Variants in SLC28A1 observed in about 807,000 individuals in gnomAD.
SLC28A1 encodes the protein solute carrier family 28 member 1.
SLC28A1 carries 64 observed loss-of-function variants against 74.8 expected under a neutral mutation model. That is an observed-to-expected ratio of 0.86 (90% CI 0.70 to 1.05). The LOEUF is 1.05. SLC28A1 is among the 50% of genes least tolerant of loss of function. The pLI, the probability that SLC28A1 is intolerant of heterozygous loss-of-function variation, is 0.00. For synonymous variants in SLC28A1, 359 were observed against 335.0 expected, an observed-to-expected ratio of 1.07 and a Z score of -0.78; for missense variants, 828 against 822.8, an observed-to-expected ratio of 1.01 and a Z score of -0.08.
chr15:84,950,229 G>A (rs1040314008), downstream of SLC28A1, among the ~76,000 whole-genome samples: 24 of 152,138 alleles, frequency 1.6e-4, no homozygotes, highest in African/African-American at 4.8e-4. Flanking sequence ...AGAAATCAAC[G>A]TGGCTATGAG....
intron 9 of SLC28A1, among the ~76,000 whole-genome samples, chr15:84,917,825 A>G (rs372372424): frequency 1.0e-3 from 154 of 152,296 alleles, no homozygotes; most frequent in Middle Eastern, 3.4e-3. Flanking sequence ...ACAGTAAAGA[A>G]AGACTAGGGT....
chr15:84,951,299 T>C, the SLC28A1 span, among the ~76,000 whole-genome samples: 1 of 152,062 alleles, frequency 6.6e-6, no homozygotes, highest in East Asian at 1.9e-4. Flanking sequence ...TAGCTGGGAA[T>C]GGTGGTGGGC....
intron 6 of SLC28A1, among the ~76,000 whole-genome samples, chr15:84,901,531 C>CA (rs762189242): frequency 7.3e-4 from 93 of 128,120 alleles, no homozygotes; most frequent in African/African-American, 1.8e-3. Context: ...AACAAACAAA[C>CA]AAACAAAAAA....
intron 5 of SLC28A1, among the ~76,000 whole-genome samples, chr15:84,894,370 TC>T (rs1166988963): frequency 3.6e-5 from 2 of 55,582 alleles, no homozygotes; most frequent in Non-Finnish European, 7.0e-5. Flanking sequence ...AGACCCTATC[TC>T]CAAAAAAAAA....
In SLC28A1 at chr15:84,944,942, C is replaced by A. The variant is rs749192387; in HGVS notation, c.1874+75C>A. Reference sequence around the variant, plus strand: ...AATGCCTGAGCGCTGGGGGGGATGCCTTTGGTACCAGGGTGAGGGTAGAAA... The same window carrying A: ...AATGCCTGAGCGCTGGGGGGGATGCATTTGGTACCAGGGTGAGGGTAGAAA... On this transcript the variant is annotated intron_variant, in intron 18 of 18. Transcript: ENST00000394573. 652 of 1,201,974 alleles carry A rather than the reference C, an allele frequency of 5.4e-4. 2 individuals are homozygous for A. Among genetic ancestry groups the A allele is most frequent in the Middle Eastern group, 1.3e-3 (7 of 5,230 alleles). 74.5% of individuals were successfully genotyped at this position (1,201,974 alleles called of 1,614,324 possible).
At position 84,942,103 on chromosome 15, in the gene SLC28A1, T is replaced by A. The variant is rs60719936; in HGVS notation, c.1582-1342T>A. 3.9e-3 allele frequency among the ~76,000 whole-genome samples: 596 copies of A among 152,246 alleles called. 1 individual carries two copies. Among genetic ancestry groups the A allele is most frequent in the African/African-American group, 0.012 (518 of 41,568 alleles). ...TATTTATCTAGAATTAATTTTTATATAGTGTGAGGGGAGGCTCTATACCAA... is the reference window on the plus strand; with the variant it reads ...TATTTATCTAGAATTAATTTTTATAAAGTGTGAGGGGAGGCTCTATACCAA... On this transcript the variant is annotated intron_variant, in intron 15 of 18. Transcript: ENST00000394573.
downstream of SLC28A1, among the ~76,000 whole-genome samples, chr15:84,947,696 T>C (rs1448255060): frequency 6.6e-6 from 1 of 152,314 alleles, no homozygotes; most frequent in African/African-American, 2.4e-5. Flanking sequence ...CAGAAGAGGC[T>C]AATGAGATCC....
chr15:84,925,392 A>G (rs992688699), intron 12 of SLC28A1, among the ~76,000 whole-genome samples: 1 of 152,046 alleles, frequency 6.6e-6, no homozygotes, highest in South Asian at 2.1e-4. Flanking sequence ...TGAGGTCAGG[A>G]ATTTGAGAGC....
intron 15 of SLC28A1, among the ~76,000 whole-genome samples, chr15:84,939,311 C>A (rs988716440): frequency 3.3e-5 from 5 of 151,716 alleles, no homozygotes; most frequent in African/African-American, 1.2e-4. Context: ...CAGAGTGAGA[C>A]CCTGTCTGAA....
chr15:84,904,963 CT>C (rs1399015159), intron 7 of SLC28A1, among the ~76,000 whole-genome samples: 3 of 152,232 alleles, frequency 2.0e-5, no homozygotes, highest in African/African-American at 7.2e-5. Flanking sequence ...ACAGCCAAGC[CT>C]CCCAGGAGCT....
chr15:84,962,972 G>C, the SLC28A1 span, among the ~76,000 whole-genome samples: 5 of 152,298 alleles, frequency 3.3e-5, no homozygotes, highest in Middle Eastern at 3.4e-3. Context: ...CCAAGCCTGA[G>C]GTGCCACAAG....
At chr15:84,959,099 C>CA in the SLC28A1 span, among the ~76,000 whole-genome samples, 288 of 47,018 alleles carry the variant, frequency 6.1e-3, 5 homozygotes, top group Non-Finnish European at 7.7e-3. Context: ...GGCTTCATCT[C>CA]AAAAAAAAAA....
At chr15:84,928,034 A>G (rs1970711447) in intron 12 of SLC28A1, among the ~76,000 whole-genome samples, 2 of 152,172 alleles carry the variant, frequency 1.3e-5, no homozygotes, top group South Asian at 4.1e-4. Context: ...TAGAACTTAA[A>G]CACTGGAAGA....
intron 15 of SLC28A1, among the ~76,000 whole-genome samples, chr15:84,943,031 A>C (rs1972888168): frequency 6.6e-6 from 1 of 152,038 alleles, no homozygotes; most frequent in Non-Finnish European, 1.5e-5. Flanking sequence ...CTAAAAATAC[A>C]AAAAGTTAGC....
chr15:84,947,087 C>T (rs2079257985), downstream of SLC28A1, among the ~76,000 whole-genome samples: 1 of 152,234 alleles, frequency 6.6e-6, no homozygotes, highest in Non-Finnish European at 1.5e-5. Context: ...ACTTTGGTTC[C>T]AGTGGGCAGC....
intron 7 of SLC28A1, 105 bp downstream of exon 7, chr15:84,904,343 A>G (rs1390401778): frequency 9.7e-6 from 15 of 1,547,570 alleles, no homozygotes; most frequent in Non-Finnish European, 1.2e-5. Context: ...CTGTTGGGAG[A>G]GCCCTGGAGG....
At chr15:84,949,379 G>A (rs140555533), downstream of SLC28A1, among the ~76,000 whole-genome samples, 2,023 of 152,170 alleles carry the variant, frequency 0.013, 19 homozygotes, top group Non-Finnish European at 0.021. Flanking sequence ...TAGGAAGGGT[G>A]TTTTGCTTTG....
chr15:84,933,975 A>G (rs906833154), intron 13 of SLC28A1, among the ~76,000 whole-genome samples: 2 of 152,174 alleles, frequency 1.3e-5, no homozygotes, highest in African/African-American at 4.8e-5. Flanking sequence ...ACTCCGTCTC[A>G]AAAACAAAAC....
intron 1 of SLC28A1, chr15:84,886,286 A>G (rs1964590739): frequency 1.0e-6 from 1 of 985,074 alleles, no homozygotes; most frequent in East Asian, 1.1e-4. Context: ...ATAAATCCCC[A>G]TCTAGTGAGA....
Sources: allele counts gnomAD v4.1 joint callset (sites outside exome capture counted in the v4.1 genomes callset), GRCh38; gene constraint gnomAD v4.1.1; transcripts MANE v1.5; gene names NCBI Gene and HGNC (gene_info 2026-07-23, HGNC 2026-07-21).